SVIL: variants seen among roughly 807,000 people sequenced by gnomAD.
SVIL encodes the protein archvillin.
Under a neutral mutation model 240.4 loss-of-function variants are expected in SVIL, and 101 were observed. The ratio of observed to expected loss-of-function variants is 0.42; its 90% CI spans 0.36 to 0.50. SVIL has a LOEUF of 0.50. Among genes scored for constraint, SVIL ranks in the 20% least tolerant of loss-of-function variants. The probability of loss-of-function intolerance (pLI) is 0.01; values close to 1 mark genes in which losing one functional copy is unlikely to be tolerated. For synonymous variants in SVIL, 999 were observed against 1,100.0 expected, an observed-to-expected ratio of 0.91 and a Z score of 1.82; for missense variants, 2,512 against 2,818.7, an observed-to-expected ratio of 0.89 and a Z score of 2.46.
intron 37 of SVIL, 27 bp from the exon 38 acceptor site, chr10:29,458,360 C>T (rs372227615): frequency 6.6e-5 from 107 of 1,612,680 alleles, no homozygotes; most frequent in African/African-American, 2.0e-4. Flanking sequence ...AAGCGCCCCG[C>T]GGCTCAGTGA....
upstream of SVIL, among the ~76,000 whole-genome samples, chr10:29,638,761 T>C (rs570622273): frequency 4.6e-4 from 70 of 152,328 alleles, no homozygotes; most frequent in African/African-American, 1.6e-3. Flanking sequence ...TGTGTTTATT[T>C]AGCAGGCTGT....
intron 33 of SVIL, among the ~76,000 whole-genome samples, chr10:29,466,114 C>T (rs368666338): frequency 3.3e-5 from 5 of 151,880 alleles, no homozygotes; most frequent in African/African-American, 1.2e-4. Context: ...AAATAGAACA[C>T]TCACCAAAGT....
At chr10:29,488,842 C>G in intron 22 of SVIL, 86 bp from the exon 23 acceptor site, 1 of 1,414,666 alleles carries the variant, frequency 7.1e-7, no homozygotes, top group South Asian at 1.4e-5. Flanking sequence ...ATAACTGACT[C>G]AACACCTTTG....
chr10:29,687,780 G>C lies in SVIL; in HGVS notation c.-399-1129C>G, dbSNP rs139589381. 3.9e-4 allele frequency among the ~76,000 whole-genome samples: 60 copies of C among 152,246 alleles called. No individual in the cohort carries two copies. In the South Asian group the frequency reaches 7.0e-3, roughly 18 times the overall value. The stretch of plus-strand genomic sequence containing the variant: ...AAAAGGTATAAATACTAAACCTCCT[G>C]AAAACTTCTTTGGAATAACAGCCAC... On this transcript the variant is annotated intron_variant, in intron 1 of 35. Transcript: ENST00000375400.
chr10:29,704,904 C>T (rs1962782125), intron 1 of SVIL, among the ~76,000 whole-genome samples: 1 of 152,104 alleles, frequency 6.6e-6, no homozygotes, highest in South Asian at 2.1e-4. Context: ...TCCTTTAACT[C>T]CTACTACATT....
intron 29 of SVIL, among the ~76,000 whole-genome samples, chr10:29,475,171 A>G (rs1046084119): frequency 4.6e-5 from 7 of 152,172 alleles, no homozygotes; most frequent in Admixed American, 4.6e-4. Flanking sequence ...GACTACAGGC[A>G]TGCGTCACCA....
chr10:29,488,282 C>T (rs1250922677), intron 23 of SVIL, among the ~76,000 whole-genome samples: 1 of 151,990 alleles, frequency 6.6e-6, no homozygotes, highest in African/African-American at 2.4e-5. Context: ...CTTCGTGGGG[C>T]ACGGGGCGCC....
chr10:29,516,475 T>C (rs556686994), intron 16 of SVIL, among the ~76,000 whole-genome samples: 38 of 152,320 alleles, frequency 2.5e-4, no homozygotes, highest in African/African-American at 8.9e-4. Flanking sequence ...TCTTCCCAAA[T>C]GTGTCCCTTC....
At chr10:29,615,855 T>C (rs1354781330) in intron 1 of SVIL, among the ~76,000 whole-genome samples, 1 of 152,258 alleles carries the variant, frequency 6.6e-6, no homozygotes, top group Non-Finnish European at 1.5e-5. Flanking sequence ...TGAAATATAC[T>C]ATTTTCAGAA....
At position 29,494,983 on chromosome 10, in the gene SVIL, C is replaced by T. The variant is rs564496813; in HGVS notation, c.3772G>A (p.Asp1258Asn). ...KPLEDIEARPDMQLESDLKLD... is the reference protein window; with the variant it reads ...KPLEDIEARPNMQLESDLKLD... ...TTCAGGTCCGATTCTAACTGCATAT[C>T]TGGTCTGGCTTCGATATCTAGGCAA... The change falls in exon 20 of 38, where the codon GAT (aspartate) becomes AAT (asparagine). Residue 1258 changes from aspartate (D) to asparagine (N), a missense_variant. Physicochemically the swap from Asp to Asn is conservative, Grantham distance 23. This residue lies in a region of SVIL where 272 missense variants were observed against 406.8 expected (regional missense o/e 0.67). Coordinates refer to ENST00000355867, the MANE Select transcript of SVIL (RefSeq NM_021738.3). 68 of 1,613,802 alleles carry T rather than the reference C, an allele frequency of 4.2e-5. No homozygotes were observed. The South Asian group carries it at 7.2e-4, about 17-fold the overall frequency.
intron 3 of SVIL, among the ~76,000 whole-genome samples, chr10:29,562,965 G>A (rs1381569292): frequency 4.6e-5 from 7 of 152,086 alleles, no homozygotes; most frequent in Non-Finnish European, 8.8e-5. Context: ...AGCCTCTGGC[G>A]AAAACCTGAG....
chr10:29,525,949 G>A (rs375095728), intron 13 of SVIL, among the ~76,000 whole-genome samples: 14 of 152,186 alleles, frequency 9.2e-5, no homozygotes, highest in African/African-American at 2.9e-4. Flanking sequence ...CCACTTCTCC[G>A]GGAGGGCCCT....
intron 1 of SVIL, among the ~76,000 whole-genome samples, chr10:29,713,950 C>T (rs1963454682): frequency 6.6e-6 from 1 of 152,346 alleles, no homozygotes; most frequent in African/African-American, 2.4e-5. Flanking sequence ...GAATTCAGCA[C>T]ACAGCATTTC....
At position 29,495,447 on chromosome 10, in the gene SVIL, G is replaced by A. The variant is rs368888207; in HGVS notation, c.3665-266C>T. Among the ~76,000 whole-genome samples, 719 of 152,282 alleles carry A rather than the reference G, an allele frequency of 4.7e-3. 7 individuals carry two copies. The highest frequency in any genetic ancestry group is 0.043 in the South Asian group (206 of 4,820). ...GAACGGTGGAGACGTGGGAAAACATGTCCATGACACGTTAACTTGGGCAAA... is the reference window on the plus strand; with the variant it reads ...GAACGGTGGAGACGTGGGAAAACATATCCATGACACGTTAACTTGGGCAAA... On this transcript the variant is annotated intron_variant, in intron 18 of 37. Coordinates refer to ENST00000355867, the MANE Select transcript of SVIL (RefSeq NM_021738.3).
chr10:29,465,374 G>A (rs1211829445), intron 34 of SVIL, among the ~76,000 whole-genome samples: 1 of 152,184 alleles, frequency 6.6e-6, no homozygotes, highest in Non-Finnish European at 1.5e-5. Context: ...TGGGTTAAGT[G>A]ACTTGAGTCT....
intron 12 of SVIL, among the ~76,000 whole-genome samples, chr10:29,529,112 G>A (rs1008112638): frequency 7.6e-5 from 11 of 144,550 alleles, no homozygotes; most frequent in African/African-American, 2.9e-4. Context: ...GGAGGCGGAG[G>A]TTGCAGTGAG....
chr10:29,461,851 T>C (rs1944297020), intron 36 of SVIL, among the ~76,000 whole-genome samples: 1 of 152,206 alleles, frequency 6.6e-6, no homozygotes. Context: ...TTTCTGAACA[T>C]ACTAATTCAT....
At chr10:29,572,763 CAAA>C (rs375180538) in intron 1 of SVIL, among the ~76,000 whole-genome samples, 4 of 81,328 alleles carry the variant, frequency 4.9e-5, no homozygotes, top group African/African-American at 9.5e-5. Context: ...GATCCTATCT[CAAA>C]AAAAAAAAAA....
intron 1 of SVIL, among the ~76,000 whole-genome samples, chr10:29,691,760 G>A (rs529675384): frequency 1.3e-5 from 2 of 152,082 alleles, no homozygotes; most frequent in South Asian, 2.1e-4. Context: ...CATCTACCCC[G>A]GCCAACAGAT....
Sources: allele counts gnomAD v4.1 joint callset (sites outside exome capture counted in the v4.1 genomes callset), GRCh38; gene constraint gnomAD v4.1.1; regional missense constraint gnomAD v4.1.1; transcripts MANE v1.5; gene names NCBI Gene and HGNC (gene_info 2026-07-23, HGNC 2026-07-21).